TASP1: variants seen among roughly 807,000 people sequenced by gnomAD.
TASP1 encodes threonine aspartase 1.
A neutral mutation model predicts 56.6 loss-of-function variants in TASP1; 16 were observed. That is an observed-to-expected ratio of 0.28 (90% CI 0.19 to 0.43). The LOEUF (loss-of-function observed/expected upper bound fraction) is 0.43, where lower values mean the gene tolerates loss of function less well. Among genes scored for constraint, TASP1 ranks in the 20% least tolerant of loss-of-function variants. TASP1 has a pLI of 1.00. For missense variants in TASP1, 393 were observed against 511.6 expected (o/e 0.77, Z 2.24); for synonymous variants, 179 against 184.2 (o/e 0.97, Z 0.23).
the TASP1 span, among the ~76,000 whole-genome samples, chr20:13,230,237 C>T: frequency 6.6e-6 from 1 of 152,132 alleles, no homozygotes; most frequent in Non-Finnish European, 1.5e-5. Context: ...GAACATTTTT[C>T]CTCTGATATG....
At chr20:13,258,220 C>T in the TASP1 span, among the ~76,000 whole-genome samples, 5 of 152,236 alleles carry the variant, frequency 3.3e-5, no homozygotes, top group Admixed American at 1.3e-4. Flanking sequence ...TCAACAGGCT[C>T]CCTTGCTGTC....
chr20:13,238,243 A>G, the TASP1 span: 1 of 152,176 alleles, frequency 6.6e-6, no homozygotes, highest in Non-Finnish European at 1.5e-5. Context: ...TCTACTGGAC[A>G]TGGTGACTTT....
At chr20:13,240,899 AT>A in the TASP1 span, among the ~76,000 whole-genome samples, 1 of 152,124 alleles carries the variant, frequency 6.6e-6, no homozygotes, top group African/African-American at 2.4e-5. Flanking sequence ...ATGTCAGTGG[AT>A]TTATATGGGA....
intron 13 of TASP1, among the ~76,000 whole-genome samples, chr20:13,397,921 C>G (rs1277702675): frequency 1.3e-5 from 2 of 152,156 alleles, no homozygotes; most frequent in Admixed American, 6.5e-5. Flanking sequence ...TTGGTCAAGA[C>G]AGCCCAAGGG....
At chr20:13,580,471 A>C (rs549237978) in intron 6 of TASP1, among the ~76,000 whole-genome samples, 64 of 152,112 alleles carry the variant, frequency 4.2e-4, no homozygotes, top group African/African-American at 1.5e-3. Flanking sequence ...ACAAAATAAA[A>C]ATAAACAAAA....
chr20:13,464,740 G>T (rs142879250), intron 11 of TASP1, among the ~76,000 whole-genome samples: 1 of 152,078 alleles, frequency 6.6e-6, no homozygotes, highest in African/African-American at 2.4e-5. Flanking sequence ...TAGTTGCCAG[G>T]AGCTGCAGAG....
intron 7 of TASP1, among the ~76,000 whole-genome samples, chr20:13,565,249 G>T (rs767733747): frequency 5.3e-5 from 8 of 151,888 alleles, no homozygotes; most frequent in Non-Finnish European, 1.0e-4. Flanking sequence ...AATTCAAAAT[G>T]GATCAAAGAC....
At chr20:13,356,042 T>C in the TASP1 span, among the ~76,000 whole-genome samples, 4 of 152,336 alleles carry the variant, frequency 2.6e-5, no homozygotes, top group East Asian at 1.9e-4. Flanking sequence ...AAAATGCTGT[T>C]GGGATTTCAT....
chr20:13,379,507 AT>A, the TASP1 span, among the ~76,000 whole-genome samples: 17 of 151,842 alleles, frequency 1.1e-4, no homozygotes, highest in Middle Eastern at 0.01. Flanking sequence ...TACCCTTAAT[AT>A]TTTTTCCTTC....
chr20:13,538,765 G>A (rs557432512), intron 8 of TASP1, among the ~76,000 whole-genome samples: 22 of 152,260 alleles, frequency 1.4e-4, no homozygotes, highest in Non-Finnish European at 2.2e-4. Flanking sequence ...TAGCTAGGCC[G>A]GGCTGGGTGG....
intron 4 of TASP1, among the ~76,000 whole-genome samples, chr20:13,589,229 T>C (rs1313412394): frequency 6.6e-6 from 1 of 152,042 alleles, no homozygotes; most frequent in Non-Finnish European, 1.5e-5. Flanking sequence ...AGCTAATTTT[T>C]TGTATTTTTA....
At chr20:13,564,993 T>A (rs1601265813) in intron 7 of TASP1, among the ~76,000 whole-genome samples, 1 of 118,404 alleles carries the variant, frequency 8.4e-6, no homozygotes, top group Non-Finnish European at 1.7e-5. Context: ...GGCAACAGAG[T>A]AAGACTCCAT....
rs574940273 is a variant in TASP1, at chr20:13,403,441, T to A, written c.1171-12989A>T. On this transcript the variant is annotated intron_variant, in intron 13 of 13. Coordinates refer to ENST00000337743, the MANE Select transcript of TASP1 (RefSeq NM_017714.3). ...CCTGCAACTTCCACCATCACCTCCT[T>A]CCTCCACCACTACTGCTGCCACCAC... Among the ~76,000 whole-genome samples the A allele has an allele frequency of 9.9e-5, 15 of 152,270 alleles. No individual in the cohort carries two copies. The East Asian group carries it at 2.7e-3, about 27-fold the overall frequency.
the TASP1 span, among the ~76,000 whole-genome samples, chr20:13,204,224 A>G: frequency 6.6e-6 from 1 of 152,224 alleles, no homozygotes; most frequent in Non-Finnish European, 1.5e-5. Context: ...TTGCTTTTGC[A>G]ACAGAATTCC....
At position 13,394,771 on chromosome 20, in the gene TASP1, C is replaced by G. The variant is rs563239943; in HGVS notation, c.1171-4319G>C. On this transcript the variant is annotated intron_variant, in intron 13 of 13. Coordinates refer to ENST00000337743, the MANE Select transcript of TASP1 (RefSeq NM_017714.3). ...CCACTGGCCGTGTAGTTATAATTTG[C>G]CGCTTTCTTGCTAATTCCCTAAGAA... 2.6e-5 allele frequency among the ~76,000 whole-genome samples: 4 copies of G among 152,188 alleles called. No homozygotes were observed. The South Asian group carries it at 8.3e-4, about 32-fold the overall frequency.
At position 13,496,234 on chromosome 20, in the gene TASP1, T is replaced by C. The variant is rs549543783; in HGVS notation, c.875-12897A>G. 3.3e-5 allele frequency among the ~76,000 whole-genome samples: 5 copies of C among 152,192 alleles called. No homozygotes were observed. In the East Asian group the frequency reaches 9.7e-4, roughly 29 times the overall value. ...ACACCTGGTTAATTTTTGTATTTTT[T>C]AGTAGAGACAGGGTTTTGCCATGTT... On this transcript the variant is annotated intron_variant, in intron 10 of 13. Transcript: ENST00000337743.
the TASP1 span, among the ~76,000 whole-genome samples, chr20:13,343,068 G>C: frequency 2.0e-5 from 3 of 152,184 alleles, no homozygotes. Flanking sequence ...GGAAGGCTCC[G>C]AGAAGGGTCC....
At chr20:13,155,760 A>G in the TASP1 span, among the ~76,000 whole-genome samples, 2 of 152,114 alleles carry the variant, frequency 1.3e-5, no homozygotes, top group Non-Finnish European at 2.9e-5. Flanking sequence ...TGGGAGGTGG[A>G]GCTTGCAGTG....
At chr20:13,161,263 A>C in the TASP1 span, among the ~76,000 whole-genome samples, 1 of 152,204 alleles carries the variant, frequency 6.6e-6, no homozygotes, top group African/African-American at 2.4e-5. Flanking sequence ...GTATACAGTA[A>C]GGAACAGCAA....
Sources: allele counts gnomAD v4.1 joint callset (sites outside exome capture counted in the v4.1 genomes callset), GRCh38; gene constraint gnomAD v4.1.1; transcripts MANE v1.5; gene names NCBI Gene and HGNC (gene_info 2026-07-23, HGNC 2026-07-21).